MYO1H: variants seen among roughly 807,000 people sequenced by gnomAD.
The protein encoded by MYO1H is unconventional myosin-Ih.
In MYO1H, 118 loss-of-function variants were observed where a neutral mutation model predicts 149.3. The observed-to-expected ratio is 0.79, with a 90% CI of 0.68 to 0.92. The LOEUF (loss-of-function observed/expected upper bound fraction) is 0.92. Among genes scored for constraint, MYO1H ranks in the 40% least tolerant of loss-of-function variants. The pLI is 0.00. For synonymous variants in MYO1H, 447 were observed against 465.2 expected (o/e 0.96, Z 0.50); for missense variants, 1,212 against 1,280.7 (o/e 0.95, Z 0.82).
chr12:109,354,610 ACT>A (rs1868542758), intron 1 of MYO1H, among the ~76,000 whole-genome samples: 1 of 141,320 alleles, frequency 7.1e-6, no homozygotes, highest in Non-Finnish European at 1.5e-5. Context: ...ACAGAGCGAG[ACT>A]CTGTCTAAAA....
the MYO1H span, among the ~76,000 whole-genome samples, chr12:109,320,408 C>T: frequency 7.4e-6 from 1 of 134,886 alleles, no homozygotes; most frequent in Non-Finnish European, 1.5e-5. Flanking sequence ...ACAGGAGTTC[C>T]AGACTACCCT....
At chr12:109,354,517 G>A (rs1160332703) in intron 1 of MYO1H, 1 of 152,114 alleles carries the variant, frequency 6.6e-6, no homozygotes, top group African/African-American at 2.4e-5. Flanking sequence ...CTACTCAGGA[G>A]GCTGAGGCAG....
intron 6 of MYO1H, among the ~76,000 whole-genome samples, chr12:109,402,186 A>G (rs181914114): frequency 4.3e-4 from 65 of 152,266 alleles, no homozygotes; most frequent in Admixed American, 4.3e-3. Context: ...TCAGAATATA[A>G]CCCTGCAATA....
At chr12:109,318,966 G>GTTTTT in the MYO1H span, among the ~76,000 whole-genome samples, 7,045 of 60,958 alleles carry the variant, frequency 0.12, 514 homozygotes, top group South Asian at 0.18. Flanking sequence ...CTGCGTTTTT[G>GTTTTT]GTTTTGTTTT....
chr12:109,420,038 G>C (rs966002267), intron 15 of MYO1H, among the ~76,000 whole-genome samples: 3 of 152,198 alleles, frequency 2.0e-5, no homozygotes, highest in Admixed American at 1.3e-4. Context: ...CAGCCATGGT[G>C]CTTGAGTTTG....
chr12:109,315,455 A>G, the MYO1H span, among the ~76,000 whole-genome samples: 13 of 152,288 alleles, frequency 8.5e-5, no homozygotes, highest in South Asian at 2.7e-3. Context: ...ATTTTTTCAA[A>G]TCAGGGATCC....
chr12:109,318,982 T>TG, the MYO1H span, among the ~76,000 whole-genome samples: 4 of 144,988 alleles, frequency 2.8e-5, no homozygotes, highest in East Asian at 2.0e-4. Context: ...GTTTTTTTTT[T>TG]TTTTTTTTTT....
chr12:109,444,470 A>G, exon 30 of MYO1H: 2 of 1,614,018 alleles, frequency 1.2e-6, no homozygotes, highest in Non-Finnish European at 1.7e-6. Flanking sequence ...TGTTTGAAGC[A>G]GTTACTAAAC....
At chr12:109,411,767 C>G (rs1271031426) in intron 13 of MYO1H, 127 bp from the exon 14 acceptor site, 2 of 619,326 alleles carry the variant, frequency 3.2e-6, no homozygotes, top group African/African-American at 1.9e-5. Flanking sequence ...CCAGAATGTT[C>G]ACCTGCACTT....
At chr12:109,443,701 G>A (rs1872351334) in intron 28 of MYO1H, 52 bp downstream of exon 28, 3 of 1,602,704 alleles carry the variant, frequency 1.9e-6, no homozygotes, top group Non-Finnish European at 2.6e-6. Context: ...TCAACTACTG[G>A]AAAGCCCAGT....
At chr12:109,336,321 C>T in the MYO1H span, among the ~76,000 whole-genome samples, 1 of 152,150 alleles carries the variant, frequency 6.6e-6, no homozygotes, top group Non-Finnish European at 1.5e-5. Flanking sequence ...CCTTCTAACC[C>T]CTGTTAACAC....
chr12:109,401,340 T>G (rs1245646558), intron 6 of MYO1H, 68 bp downstream of exon 6: 1 of 1,467,546 alleles, frequency 6.8e-7, no homozygotes, highest in Non-Finnish European at 9.2e-7. Flanking sequence ...TTCTACGTGC[T>G]GCTGTAGGAT....
chr12:109,372,720 T>C (rs1869008271), intron 1 of MYO1H, among the ~76,000 whole-genome samples: 1 of 152,066 alleles, frequency 6.6e-6, no homozygotes, highest in Non-Finnish European at 1.5e-5. Flanking sequence ...AATCTTTTTG[T>C]TTCTTTCAGA....
At chr12:109,425,883 A>G in intron 17 of MYO1H, 63 bp from the exon 18 acceptor site, 2 of 1,202,138 alleles carry the variant, frequency 1.7e-6, no homozygotes, top group Non-Finnish European at 2.4e-6. Context: ...GTCTTTTTGT[A>G]TTCGTTGGAA....
At chr12:109,359,124 C>A (rs1868681121) in intron 1 of MYO1H, 1 of 152,086 alleles carries the variant, frequency 6.6e-6, no homozygotes, top group African/African-American at 2.4e-5. Context: ...TGTCCCCGCT[C>A]ACTAACCTAA....
At chr12:109,446,783 G>A (rs1462984010) in intron 31 of MYO1H, among the ~76,000 whole-genome samples, 3 of 152,216 alleles carry the variant, frequency 2.0e-5, no homozygotes, top group South Asian at 4.1e-4. Flanking sequence ...AAATCATTTT[G>A]TAGATATAAA....
Position 109,410,292 on chromosome 12 carries a change from C to T in MYO1H, c.1329+224C>T, listed in dbSNP as rs546563204. On this transcript the variant is annotated intron_variant, in intron 12 of 31. Coordinates refer to ENST00000310903, the Ensembl canonical transcript of MYO1H. ...AAGTAGCTGGGATCACAGGCACATGCCACCATGCCTGGCTAATTGTTTTAC... is the reference window on the plus strand; with the variant it reads ...AAGTAGCTGGGATCACAGGCACATGTCACCATGCCTGGCTAATTGTTTTAC... Among the ~76,000 whole-genome samples the T allele has an allele frequency of 1.2e-3, 190 of 152,102 alleles. 1 individual carries two copies. The highest frequency in any genetic ancestry group is 2.2e-3 in the Non-Finnish European group (148 of 68,012).
intron 10 of MYO1H, 122 bp downstream of exon 10, chr12:109,408,035 T>C (rs551541739): frequency 8.2e-7 from 1 of 1,215,416 alleles, no homozygotes; most frequent in African/African-American, 1.5e-5. Flanking sequence ...AGAGATGGTG[T>C]CTTTCCCTAT....
At chr12:109,416,867 C>T (rs757077297) in intron 15 of MYO1H, among the ~76,000 whole-genome samples, 37 of 152,194 alleles carry the variant, frequency 2.4e-4, no homozygotes, top group African/African-American at 5.8e-4. Context: ...ATTAGCCGGG[C>T]GTGGTGGCAC....
Sources: allele counts gnomAD v4.1 joint callset (sites outside exome capture counted in the v4.1 genomes callset), GRCh38; gene constraint gnomAD v4.1.1; transcripts MANE v1.5; gene names NCBI Gene and HGNC (gene_info 2026-07-23, HGNC 2026-07-21).